The following MYL1 variants were observed in gnomAD, a reference collection of about 807,000 sequenced individuals.
MYL1 encodes the protein myosin light chain 1/3, skeletal muscle isoform.
Under a neutral mutation model 21.8 loss-of-function variants are expected in MYL1, and 16 were observed. The ratio of observed to expected loss-of-function variants is 0.74; its 90% CI spans 0.50 to 1.12. The LOEUF is 1.12. Ranked by LOEUF, MYL1 falls within the 50% of genes most tolerant of loss-of-function variation. The probability of loss-of-function intolerance (pLI) is 0.00; values close to 1 mark genes in which losing one functional copy is unlikely to be tolerated. For missense variants in MYL1, 246 were observed against 241.0 expected (o/e 1.02, Z -0.14); for synonymous variants, 99 against 85.2 (o/e 1.16, Z -0.89).
chr2:210,307,831 G>A (rs1363441866), intron 1 of MYL1, among the ~76,000 whole-genome samples: 1 of 152,004 alleles, frequency 6.6e-6, no homozygotes, highest in East Asian at 1.9e-4. Context: ...GTATATATTA[G>A]GTTGGTGCAA....
intron 6 of MYL1, 51 bp downstream of exon 6, chr2:210,290,981 A>T (rs1690066068): frequency 7.6e-7 from 1 of 1,315,094 alleles, no homozygotes; most frequent in African/African-American, 1.5e-5. Context: ...AAGTTTTAAA[A>T]AACACAATAT....
rs753066580 is a variant in MYL1 at position 210,302,802 on chromosome 2, C to G, written c.133-287G>C. The G allele has an allele frequency of 2.6e-6, 4 of 1,558,818 alleles. No individual in the cohort carries two copies. The South Asian group carries it at 3.5e-5, about 14-fold the overall frequency. ...GGTCAGCACTGAAGGACTGCAGTGG[C>G]GAAGAAGAGAAAGAAAGAAAAAAAA... On this transcript the variant is annotated intron_variant, in intron 1 of 6. Coordinates refer to ENST00000352451, the MANE Select transcript of MYL1 (RefSeq NM_079420.3).
At position 210,307,119 on chromosome 2, in the gene MYL1, C is replaced by T. The variant is rs527508136; in HGVS notation, c.133-4604G>A. On this transcript the variant is annotated intron_variant, in intron 1 of 6. Coordinates refer to ENST00000352451, the MANE Select transcript of MYL1 (RefSeq NM_079420.3). ...TGAAAGAAACGTTTTCTCTCTGTTT[C>T]CCCCAGTATTCAACATCACCCAGCT... is the stretch of plus-strand genomic sequence containing the variant. 5.3e-5 allele frequency among the ~76,000 whole-genome samples: 8 copies of T among 152,220 alleles called. No homozygotes were observed. In the South Asian group the frequency reaches 1.7e-3, roughly 32 times the overall value.
chr2:210,313,890 C>T (rs1349164885), intron 1 of MYL1, among the ~76,000 whole-genome samples: 1 of 152,028 alleles, frequency 6.6e-6, no homozygotes, highest in African/African-American at 2.4e-5. Context: ...AGATTTATTA[C>T]ATATACAACT....
chr2:210,308,524 G>GAGATT (rs1329894510), intron 1 of MYL1, among the ~76,000 whole-genome samples: 1 of 148,580 alleles, frequency 6.7e-6, no homozygotes, highest in East Asian at 2.0e-4. Context: ...CAATATAAGA[G>GAGATT]AGATTAGGTG....
chr2:210,295,452 G>A (rs923151937), intron 3 of MYL1, among the ~76,000 whole-genome samples: 2 of 151,898 alleles, frequency 1.3e-5, no homozygotes, highest in African/African-American at 4.8e-5. Flanking sequence ...TGGGCAACAT[G>A]GCAAGACCCC....
At chr2:210,290,865 T>G (rs1690064732) in intron 6 of MYL1, among the ~76,000 whole-genome samples, 167 bp downstream of exon 6, 1 of 152,122 alleles carries the variant, frequency 6.6e-6, no homozygotes, top group Non-Finnish European at 1.5e-5. Context: ...ACAAAAATGC[T>G]CTATTTCTGA....
chr2:210,298,444 C>T lies in MYL1; in HGVS notation c.280G>A (p.Val94Ile), dbSNP rs767592290. 1.9e-6 allele frequency: 3 copies of T among 1,613,924 alleles called. No individual in the cohort carries two copies. The highest frequency in any genetic ancestry group is 2.5e-6 in the Non-Finnish European group (3 of 1,179,948). Residue 94 changes from valine (V) to isoleucine (I), a missense_variant, in exon 3 of 7, where the codon GTT becomes ATT. Physicochemically the swap from Val to Ile is conservative, Grantham distance 29 (BLOSUM62 3). Transcript: ENST00000352451. ...CCTTCATTGCTGGGGTTTCCCAGAA[C>T]TTTCCTGACCTCTGCATTGGTGGGA... The part of the protein sequence containing the change: ...TNPTNAEVRK[V>I]LGNPSNEELN...
At chr2:210,306,048 G>T (rs989369249) in intron 1 of MYL1, among the ~76,000 whole-genome samples, 1 of 143,570 alleles carries the variant, frequency 7.0e-6, no homozygotes, top group African/African-American at 2.6e-5. Flanking sequence ...CAGCAAGAAT[G>T]AAACTCCCTC....
At chr2:210,308,287 C>G (rs1690367795) in intron 1 of MYL1, among the ~76,000 whole-genome samples, 1 of 150,996 alleles carries the variant, frequency 6.6e-6, no homozygotes. Flanking sequence ...CATAAAAGGC[C>G]AGGAAAAGCA....
chr2:210,310,813 A>G (rs566310109), intron 1 of MYL1, among the ~76,000 whole-genome samples: 82 of 152,132 alleles, frequency 5.4e-4, no homozygotes, highest in Non-Finnish European at 9.3e-4. Flanking sequence ...AAACCACTCT[A>G]CCTCATACCC....
In MYL1 at chr2:210,314,981, G is replaced by T; in HGVS notation, c.62C>A (p.Ala21Glu). 1 of 1,612,456 alleles carries T rather than the reference G, an allele frequency of 6.2e-7. No individual in the cohort carries two copies. Among genetic ancestry groups the T allele is most frequent in the East Asian group, 2.2e-5 (1 of 44,830 alleles). The change falls in exon 1 of 7, where the codon GCA becomes GAA. Residue 21 changes from alanine to glutamate, a missense_variant. Coordinates refer to ENST00000352451, the MANE Select transcript of MYL1 (RefSeq NM_079420.3). Reference protein sequence around the residue: ...VAAAAAAPAPAPAPAPAPAPA... With the variant: ...VAAAAAAPAPEPAPAPAPAPA... ...GGCAGGGGCAGGTGCAGGTGCCGGT[G>T]CCGGGGCTGGGGCAGCCGCAGCCGC...
chr2:210,315,086 C>G lies in MYL1; in HGVS notation c.-44G>C, dbSNP rs1690476252. On this transcript the variant is annotated 5_prime_UTR_variant, in exon 1 of 7. Coordinates refer to ENST00000352451, the MANE Select transcript of MYL1 (RefSeq NM_079420.3). ...GGGTTAAAAAGAGAAGGAGTTCCTC[C>G]AAAAGAACCTGTCAAAATGATTCTT... The G allele has an allele frequency of 1.3e-6, 2 of 1,583,276 alleles. No individual in the cohort carries two copies. The highest frequency in any genetic ancestry group is 1.7e-6 in the Non-Finnish European group (2 of 1,172,886).
At chr2:210,314,812 C>G (rs564484619) in intron 1 of MYL1, 99 bp downstream of exon 1, 3 of 1,304,936 alleles carry the variant, frequency 2.3e-6, no homozygotes, top group Non-Finnish European at 3.3e-6. Context: ...CTAAATAATG[C>G]TATTCCTCTC....
At chr2:210,292,155 A>G (rs557067955) in intron 5 of MYL1, among the ~76,000 whole-genome samples, 1 of 152,134 alleles carries the variant, frequency 6.6e-6, no homozygotes, top group African/African-American at 2.4e-5. Context: ...TGCAAACTCC[A>G]CCTCCCGGGT....
intron 4 of MYL1, 125 bp downstream of exon 4, chr2:210,294,120 A>G (rs572500933): frequency 1.6e-4 from 169 of 1,050,258 alleles, no homozygotes; most frequent in South Asian, 5.5e-4. Context: ...TTAACTTTTG[A>G]CTATTTTTTT....
At chr2:210,291,702 G>T (rs187705890) in intron 5 of MYL1, among the ~76,000 whole-genome samples, 1 of 152,222 alleles carries the variant, frequency 6.6e-6, no homozygotes, top group African/African-American at 2.4e-5. Flanking sequence ...GGGCTGCAGA[G>T]AATTTCACAT....
At chr2:210,301,767 A>G (rs1690268609) in intron 2 of MYL1, among the ~76,000 whole-genome samples, 1 of 152,136 alleles carries the variant, frequency 6.6e-6, no homozygotes. Context: ...TAGGGAAACT[A>G]TTCAGATTCT....
At position 210,314,392 on chromosome 2, in the gene MYL1, G is replaced by A. The variant is rs527719292; in HGVS notation, c.132+519C>T. Among the ~76,000 whole-genome samples the A allele has an allele frequency of 7.2e-5, 11 of 152,252 alleles. No homozygotes were observed. The East Asian group carries it at 2.1e-3, about 29-fold the overall frequency. On this transcript the variant is annotated intron_variant, in intron 1 of 6. Coordinates refer to ENST00000352451, the MANE Select transcript of MYL1 (RefSeq NM_079420.3). The stretch of plus-strand genomic sequence containing the variant: ...GTATCAAATTTTATTAGGCAAAGCT[G>A]AAGGGAGAATTAACTTGAATTGCAA...
Sources: allele counts gnomAD v4.1 joint callset (sites outside exome capture counted in the v4.1 genomes callset), GRCh38; gene constraint gnomAD v4.1.1; transcripts MANE v1.5; gene names NCBI Gene and HGNC (gene_info 2026-07-23, HGNC 2026-07-21).